ADAMTS20: variants seen among roughly 807,000 people sequenced by gnomAD.
The protein encoded by ADAMTS20 is A disintegrin and metalloproteinase with thrombospondin motifs 20.
In ADAMTS20, 225 loss-of-function variants were observed where a neutral mutation model predicts 260.1. The observed-to-expected ratio is 0.87, with a 90% CI of 0.78 to 0.97. The LOEUF (loss-of-function observed/expected upper bound fraction) is 0.97, where lower values mean the gene tolerates loss of function less well. Ranked by LOEUF, ADAMTS20 falls within the 50% of genes least tolerant of loss-of-function variation. The pLI is 0.00. For missense variants in ADAMTS20, 2,400 were observed against 2,337.7 expected, an observed-to-expected ratio of 1.03 and a Z score of -0.55; for synonymous variants, 802 against 769.5, an observed-to-expected ratio of 1.04 and a Z score of -0.70.
intron 28 of ADAMTS20, among the ~76,000 whole-genome samples, chr12:43,402,474 A>G (rs1196823212): frequency 6.6e-6 from 1 of 152,058 alleles, no homozygotes; most frequent in Admixed American, 6.6e-5. Context: ...AAAGGAATAC[A>G]TCCAGTATTT....
rs1448888529 is a variant in ADAMTS20 at position 43,502,055 on chromosome 12, A to G, written c.867+97T>C. 2.6e-6 allele frequency: 3 copies of G among 1,175,712 alleles called. No homozygotes were observed. In the African/African-American group the frequency reaches 4.8e-5, roughly 19 times the overall value. 72.8% of individuals were successfully genotyped at this position (1,175,712 alleles called of 1,614,324 possible). A position where few individuals can be genotyped will look rare whatever the true frequency, so the allele number is the denominator to read the frequency against. ...GGCTTAAACCTAGATACAAAATTAC[A>G]TCTAAAGAGTTTGGAAAAAAAATTT... is the stretch of plus-strand genomic sequence containing the variant. On this transcript the variant is annotated intron_variant, in intron 4 of 38. Transcript: ENST00000389420.
At chr12:43,466,510 C>CTTTTTTTTTTTTTTTTTTT (rs1942154946) in intron 9 of ADAMTS20, 142 bp downstream of exon 9, 1 of 656,828 alleles carries the variant, frequency 1.5e-6, no homozygotes, top group African/African-American at 1.8e-5. Flanking sequence ...TCTTCTTGTT[C>CTTTTTTTTTTTTTTTTTTT]TTAAACATCC....
At chr12:43,480,831 T>G (rs897186975) in intron 7 of ADAMTS20, among the ~76,000 whole-genome samples, 1 of 152,034 alleles carries the variant, frequency 6.6e-6, no homozygotes, top group Non-Finnish European at 1.5e-5. Context: ...AGGTAGGGAA[T>G]GGGGAAGTTC....
intron 2 of ADAMTS20, among the ~76,000 whole-genome samples, chr12:43,542,635 C>G (rs896885361): frequency 6.6e-6 from 1 of 151,988 alleles, no homozygotes. Context: ...AGTGAGAATT[C>G]AAAATTTAGT....
intron 36 of ADAMTS20, among the ~76,000 whole-genome samples, chr12:43,372,404 G>T (rs933433324): frequency 1.3e-5 from 2 of 152,154 alleles, no homozygotes. Context: ...AAGGAAACAG[G>T]TTATTGATGA....
Position 43,427,384 on chromosome 12 carries a change from G to A in ADAMTS20, c.4031C>T (p.Ala1344Val), listed in dbSNP as rs143099552. ...ENGQSASYCD[A>V]ASKPPELQQC... ...CTGTAACTCTGGAGGCTTGGAGGCT[G>A]CATCGCAGTAACTAGCACTTTGTCC... Residue 1344 changes from alanine to valine, a missense_variant, in exon 27 of 39, where the codon GCA becomes GTA. Physicochemically the swap from Ala to Val is moderately conservative, Grantham distance 64. Coordinates refer to ENST00000389420, the MANE Select transcript of ADAMTS20 (RefSeq NM_025003.5). 1.2e-6 allele frequency: 2 copies of A among 1,613,836 alleles called. No homozygotes were observed. Among genetic ancestry groups the A allele is most frequent in the Non-Finnish European group, 1.7e-6 (2 of 1,179,864 alleles).
At chr12:43,495,534 T>C (rs1465324989) in intron 4 of ADAMTS20, among the ~76,000 whole-genome samples, 1 of 152,236 alleles carries the variant, frequency 6.6e-6, no homozygotes, top group African/African-American at 2.4e-5. Flanking sequence ...ATATACATAA[T>C]GCTAGTTCTA....
chr12:43,357,649 A>T lies in ADAMTS20; in HGVS notation c.5539-1061T>A, dbSNP rs575650894. Reference sequence around the variant, plus strand: ...TGCAGAAATAATTAGTTTTAGATAAATTTCAAAGAAAATGTATCACATACA... The same window carrying T: ...TGCAGAAATAATTAGTTTTAGATAATTTTCAAAGAAAATGTATCACATACA... On this transcript the variant is annotated intron_variant, in intron 37 of 38. Transcript: ENST00000389420. Among the ~76,000 whole-genome samples, 8 of 152,310 alleles carry T rather than the reference A, an allele frequency of 5.3e-5. No individual in the cohort carries two copies. The South Asian group carries it at 1.4e-3, about 28-fold the overall frequency.
At chr12:43,436,766 T>G (rs1483541077) in intron 18 of ADAMTS20, among the ~76,000 whole-genome samples, 1 of 152,168 alleles carries the variant, frequency 6.6e-6, no homozygotes, top group East Asian at 1.9e-4. Flanking sequence ...TCCCAGCCCA[T>G]TCAGCGCTCA....
chr12:43,444,413 T>C (rs558147026), intron 15 of ADAMTS20, among the ~76,000 whole-genome samples: 200 of 152,208 alleles, frequency 1.3e-3, no homozygotes, highest in African/African-American at 4.6e-3. Flanking sequence ...TTTTAGTTTG[T>C]AGTATAAGCA....
rs1941200842 is a variant in ADAMTS20, at chr12:43,420,243, T to C, written c.4284+5271A>G. Among the ~76,000 whole-genome samples the C allele has an allele frequency of 2.0e-5, 3 of 152,214 alleles. No individual in the cohort carries two copies. In the South Asian group the frequency reaches 6.2e-4, roughly 32 times the overall value. ...CCTGTTTATTAATTACATTCATTGC[T>C]AAACTGCAAACACCTTGTCCACAGT... is the stretch of plus-strand genomic sequence containing the variant. On this transcript the variant is annotated intron_variant, in intron 28 of 38. Coordinates refer to ENST00000389420, the MANE Select transcript of ADAMTS20 (RefSeq NM_025003.5).
At chr12:43,409,601 C>CAAAAAAAAAAAAAAAAAAAAAAA (rs67474640) in intron 28 of ADAMTS20, among the ~76,000 whole-genome samples, 2 of 46,894 alleles carry the variant, frequency 4.3e-5, no homozygotes, top group African/African-American at 1.4e-4. Context: ...GACTCCGTCT[C>CAAAAAAAAAAAAAAAAAAAAAAA]AAAAAAAAAA....
At chr12:43,361,387 T>A (rs545287207) in intron 37 of ADAMTS20, among the ~76,000 whole-genome samples, 1 of 152,338 alleles carries the variant, frequency 6.6e-6, no homozygotes, top group South Asian at 2.1e-4. Flanking sequence ...ACAGGCTGAA[T>A]ATAGATGGGC....
At chr12:43,506,716 G>T (rs2137455949) in intron 3 of ADAMTS20, among the ~76,000 whole-genome samples, 1 of 151,038 alleles carries the variant, frequency 6.6e-6, no homozygotes, top group East Asian at 1.9e-4. Flanking sequence ...GTGACCTTGT[G>T]ATCTGCCCGC....
At chr12:43,417,254 G>T (rs574168616) in intron 28 of ADAMTS20, among the ~76,000 whole-genome samples, 1 of 152,292 alleles carries the variant, frequency 6.6e-6, no homozygotes, top group South Asian at 2.1e-4. Context: ...AATATCAAAA[G>T]CTGTCTAATA....
intron 28 of ADAMTS20, 85 bp downstream of exon 28, chr12:43,425,429 G>A (rs1383301335): frequency 2.3e-5 from 27 of 1,193,146 alleles, no homozygotes; most frequent in Admixed American, 3.6e-5. Flanking sequence ...AATAAAAGTC[G>A]AAGAAAAGAA....
intron 18 of ADAMTS20, among the ~76,000 whole-genome samples, chr12:43,437,712 C>A (rs1019417759): frequency 6.6e-6 from 1 of 152,048 alleles, no homozygotes; most frequent in Non-Finnish European, 1.5e-5. Context: ...GGATATGTTC[C>A]ACCCAATGAA....
intron 2 of ADAMTS20, among the ~76,000 whole-genome samples, chr12:43,534,155 C>T (rs1943261835): frequency 7.7e-6 from 1 of 129,696 alleles, no homozygotes; most frequent in Non-Finnish European, 1.6e-5. Context: ...AGAGCTTCTG[C>T]ACAGCAAAAG....
At chr12:43,468,013 G>T (rs1326079626) in intron 8 of ADAMTS20, among the ~76,000 whole-genome samples, 1 of 152,036 alleles carries the variant, frequency 6.6e-6, no homozygotes, top group Non-Finnish European at 1.5e-5. Flanking sequence ...AGCTCCAAGG[G>T]TATCATGAGA....
Sources: gnomAD v4.1 joint callset for allele counts (sites outside exome capture counted in the v4.1 genomes callset) on GRCh38, gnomAD v4.1.1 for gene constraint, MANE v1.5 for transcripts, NCBI Gene and HGNC (gene_info 2026-07-23, HGNC 2026-07-21) for gene names.